Variants in MAN1A1 observed in about 807,000 individuals in gnomAD.
The protein encoded by MAN1A1 is mannosyl-oligosaccharide 1,2-alpha-mannosidase IA.
In MAN1A1, 29 loss-of-function variants were observed where a neutral mutation model predicts 70.8. The observed-to-expected ratio is 0.41, with a 90% confidence interval of 0.31 to 0.56. MAN1A1 has a LOEUF of 0.56. Among genes scored for constraint, MAN1A1 ranks in the 20% least tolerant of loss-of-function variants. MAN1A1 has a pLI of 0.29. For missense variants in MAN1A1, 747 were observed against 841.3 expected, an observed-to-expected ratio of 0.89 and a Z score of 1.39; for synonymous variants, 349 against 330.1, an observed-to-expected ratio of 1.06 and a Z score of -0.62.
At chr6:119,238,418 G>A (rs565299693) in intron 6 of MAN1A1, among the ~76,000 whole-genome samples, 4 of 152,320 alleles carry the variant, frequency 2.6e-5, no homozygotes, top group Admixed American at 6.5e-5. Flanking sequence ...CATACTACTT[G>A]TATAATGAAC....
At chr6:119,248,482 A>G (rs1775227568) in intron 5 of MAN1A1, 128 bp from the exon 6 acceptor site, 2 of 617,662 alleles carry the variant, frequency 3.2e-6, no homozygotes, top group Admixed American at 2.9e-5. Flanking sequence ...TATCTGACAA[A>G]AAGTTTACCA....
intron 6 of MAN1A1, among the ~76,000 whole-genome samples, chr6:119,240,467 G>A (rs543710539): frequency 2.0e-5 from 3 of 152,270 alleles, no homozygotes; most frequent in South Asian, 2.1e-4. Context: ...AGGAAAAGGC[G>A]GGAGGGTGGG....
chr6:119,305,417 T>C (rs1772500614), intron 3 of MAN1A1, among the ~76,000 whole-genome samples: 2 of 152,196 alleles, frequency 1.3e-5, no homozygotes, highest in Admixed American at 1.3e-4. Flanking sequence ...TAAAGGCCTC[T>C]GGCTCTGCAT....
intron 2 of MAN1A1, among the ~76,000 whole-genome samples, chr6:119,335,579 A>C (rs965895756): frequency 6.6e-6 from 1 of 152,214 alleles, no homozygotes; most frequent in Non-Finnish European, 1.5e-5. Flanking sequence ...TCTGAAATCT[A>C]CTTGAAAGAT....
chr6:119,270,713 C>A (rs1480919031), intron 5 of MAN1A1, among the ~76,000 whole-genome samples: 2 of 152,192 alleles, frequency 1.3e-5, no homozygotes, highest in African/African-American at 4.8e-5. Flanking sequence ...GTGTCATTTA[C>A]ACCTGAAAGT....
At chr6:119,237,099 G>A (rs1011341145) in intron 6 of MAN1A1, among the ~76,000 whole-genome samples, 3 of 152,220 alleles carry the variant, frequency 2.0e-5, no homozygotes, top group African/African-American at 7.2e-5. Flanking sequence ...TTTCATGGAT[G>A]AGGAGTTGCT....
intron 6 of MAN1A1, among the ~76,000 whole-genome samples, chr6:119,230,605 G>A (rs772808574): frequency 1.3e-5 from 2 of 152,094 alleles, no homozygotes; most frequent in Non-Finnish European, 2.9e-5. Flanking sequence ...CCTGCAATTC[G>A]AAATGTTTTT....
chr6:119,205,422 A>G (rs144658362), intron 6 of MAN1A1, among the ~76,000 whole-genome samples: 10 of 152,274 alleles, frequency 6.6e-5, no homozygotes, highest in African/African-American at 2.4e-4. Context: ...TCTTCACACT[A>G]TTTTATCTTT....
intron 7 of MAN1A1, among the ~76,000 whole-genome samples, chr6:119,203,037 TG>T (rs1773758753): frequency 6.6e-6 from 1 of 152,156 alleles, no homozygotes; most frequent in Non-Finnish European, 1.5e-5. Context: ...GAAGACATCA[TG>T]TGAACACACA....
chr6:119,179,986 G>A, intron 12 of MAN1A1, 41 bp from the exon 13 acceptor site: 7 of 1,603,700 alleles, frequency 4.4e-6, no homozygotes, highest in Non-Finnish European at 6.0e-6. Flanking sequence ...CAAGACACTA[G>A]GCAGGCAGTG....
intron 2 of MAN1A1, among the ~76,000 whole-genome samples, chr6:119,308,366 G>A (rs1013167261): frequency 6.6e-6 from 1 of 152,100 alleles, no homozygotes; most frequent in African/African-American, 2.4e-5. Flanking sequence ...TGTGTATATG[G>A]TAGTGTTTTC....
chr6:119,320,548 C>T (rs1186238589), intron 2 of MAN1A1, among the ~76,000 whole-genome samples: 1 of 151,404 alleles, frequency 6.6e-6, no homozygotes, highest in East Asian at 1.9e-4. Context: ...GTATGATTTA[C>T]CAAAAAAATT....
chr6:119,241,039 T>C (rs1313386074), intron 6 of MAN1A1, among the ~76,000 whole-genome samples: 1 of 152,180 alleles, frequency 6.6e-6, no homozygotes, highest in Non-Finnish European at 1.5e-5. Flanking sequence ...AGTGTGACTT[T>C]ATGGAAATAG....
At chr6:119,322,523 T>G (rs1197536704) in intron 2 of MAN1A1, among the ~76,000 whole-genome samples, 1 of 152,148 alleles carries the variant, frequency 6.6e-6, no homozygotes, top group Non-Finnish European at 1.5e-5. Flanking sequence ...AGTACCACAA[T>G]AAAATGCCAC....
At chr6:119,217,644 A>T (rs1164613258) in intron 6 of MAN1A1, among the ~76,000 whole-genome samples, 1 of 152,136 alleles carries the variant, frequency 6.6e-6, no homozygotes, top group Non-Finnish European at 1.5e-5. Flanking sequence ...TCCCTCTTTC[A>T]CTTCTATTAT....
chr6:119,248,323 A>T lies in MAN1A1; in HGVS notation c.929T>A (p.Val310Glu). The T allele has an allele frequency of 1.2e-6, 2 of 1,613,418 alleles. No homozygotes were observed. The highest frequency in any genetic ancestry group is 1.7e-6 in the Non-Finnish European group (2 of 1,179,362). The change falls in exon 6 of 13, where the codon GTA becomes GAA. Residue 310 changes from valine to glutamate, a missense_variant. Around this residue, in one of 2 missense-constraint regions of MAN1A1, gnomAD observed 419 missense variants for 548.2 expected, o/e 0.76. Transcript: ENST00000368468. ...AGTATGAAATGCAGGTAGCAATTTT[A>T]CCCCAAGTTCCACTGCTTTCTTTCG... ...IFRKKAVELGVKLLPAFHTPS... is the reference protein window; with the variant it reads ...IFRKKAVELGEKLLPAFHTPS...
intron 6 of MAN1A1, among the ~76,000 whole-genome samples, chr6:119,213,032 C>G (rs1353590936): frequency 6.6e-6 from 1 of 152,068 alleles, no homozygotes; most frequent in African/African-American, 2.4e-5. Flanking sequence ...CAGATGATGT[C>G]TAGGTAATCA....
At chr6:119,218,528 T>G (rs970577150) in intron 6 of MAN1A1, among the ~76,000 whole-genome samples, 1 of 151,798 alleles carries the variant, frequency 6.6e-6, no homozygotes, top group Admixed American at 6.6e-5. Context: ...TCAAATAAGG[T>G]CTTTTCAATG....
chr6:119,224,124 T>C (rs1774441413), intron 6 of MAN1A1, among the ~76,000 whole-genome samples: 1 of 152,118 alleles, frequency 6.6e-6, no homozygotes, highest in Admixed American at 6.5e-5. Context: ...AAACACTGGG[T>C]ATAATCTCTG....
Sources: gnomAD v4.1 joint callset for allele counts (sites outside exome capture counted in the v4.1 genomes callset) on GRCh38, gnomAD v4.1.1 for gene constraint, gnomAD v4.1.1 regional missense constraint, MANE v1.5 for transcripts, NCBI Gene and HGNC (gene_info 2026-07-23, HGNC 2026-07-21) for gene names.